Variants in TULP4 observed in about 807,000 individuals in gnomAD.
TULP4 encodes tubby-related protein 4.
Under a neutral mutation model 129.0 loss-of-function variants are expected in TULP4, and 16 were observed. That is an observed-to-expected ratio of 0.12 (90% CI 0.08 to 0.19). The LOEUF (loss-of-function observed/expected upper bound fraction) is 0.19, where lower values mean the gene tolerates loss of function less well. Ranked by LOEUF, TULP4 falls within the 10% of genes least tolerant of loss-of-function variation. The pLI is 1.00. For missense variants in TULP4, 1,842 were observed against 2,059.1 expected, an observed-to-expected ratio of 0.89 and a Z score of 2.04; for synonymous variants, 998 against 854.0, an observed-to-expected ratio of 1.17 and a Z score of -2.94.
chr6:158,471,579 T>A (rs2128246743), intron 6 of TULP4, among the ~76,000 whole-genome samples: 1 of 152,350 alleles, frequency 6.6e-6, no homozygotes, highest in African/African-American at 2.4e-5. Context: ...TTTAAATTTC[T>A]GTTTTGGAAG....
intron 1 of TULP4, among the ~76,000 whole-genome samples, chr6:158,316,880 C>T (rs989576355): frequency 3.9e-5 from 6 of 152,324 alleles, no homozygotes; most frequent in Admixed American, 3.3e-4. Context: ...TAGAGGCCCT[C>T]ACTAGTCCCA....
At chr6:158,266,207 T>C (rs150350261) in intron 1 of TULP4, among the ~76,000 whole-genome samples, 1 of 152,356 alleles carries the variant, frequency 6.6e-6, no homozygotes, top group East Asian at 1.9e-4. Flanking sequence ...TTTCATGTTT[T>C]AAAGTGGTTT....
intron 1 of TULP4, among the ~76,000 whole-genome samples, chr6:158,319,701 A>G (rs924461592): frequency 1.3e-5 from 2 of 152,272 alleles, no homozygotes; most frequent in African/African-American, 4.8e-5. Flanking sequence ...TTGGAATTAT[A>G]AATGTATTCA....
At position 158,463,502 on chromosome 6, in the gene TULP4, G is replaced by T. The variant is rs1455611936; in HGVS notation, c.1026+1773G>T. Among the ~76,000 whole-genome samples, 4 of 152,126 alleles carry T rather than the reference G, an allele frequency of 2.6e-5. No homozygotes were observed. In the East Asian group the frequency reaches 7.7e-4, roughly 29 times the overall value. On this transcript the variant is annotated intron_variant, in intron 6 of 13. Transcript: ENST00000367097. ...CACACACCAGGGCCTGTTGTAGGGT[G>T]GGGGTAGCGGGGAGGGATAGCATTT...
At chr6:158,236,795 CTTTTTTTTTTTTTTTT>C (rs71030149) in intron 1 of TULP4, among the ~76,000 whole-genome samples, 1,028 of 63,290 alleles carry the variant, frequency 0.016, 27 homozygotes, top group African/African-American at 0.063. Flanking sequence ...CAATTCTTTT[CTTTTTTTTTTTTTTTT>C]TTTTTTTTTT....
At chr6:158,491,455 TTTTC>T (rs1313995938) in intron 9 of TULP4, among the ~76,000 whole-genome samples, 666 of 28,038 alleles carry the variant, frequency 0.024, 9 homozygotes, top group Non-Finnish European at 0.028. Flanking sequence ...TCTTTCTTTC[TTTTC>T]TTTCTTTCTT....
Position 158,413,771 on chromosome 6 carries a change from T to C in TULP4, c.381+578T>C, listed in dbSNP as rs1029056403. ...GCTGTTTCTAGAACTGCTCCATAGA[T>C]TGTTCTGGTTTACAGGACGGCTTCA... On this transcript the variant is annotated intron_variant, in intron 2 of 13. Coordinates refer to ENST00000367097, the MANE Select transcript of TULP4 (RefSeq NM_020245.5). The surrounding 1 kb of genome is among the most constrained non-coding windows in gnomAD (Gnocchi z 4.9). Among the ~76,000 whole-genome samples, 1 of 152,222 alleles carries C rather than the reference T, an allele frequency of 6.6e-6. No homozygotes were observed. Among genetic ancestry groups the C allele is most frequent in the Non-Finnish European group, 1.5e-5 (1 of 68,042 alleles).
rs772174757 is a variant in TULP4, at chr6:158,314,053, A to G, written c.37A>G (p.Ser13Gly). 2 of 1,614,226 alleles carry G rather than the reference A, an allele frequency of 1.2e-6. No individual in the cohort carries two copies. The highest frequency in any genetic ancestry group is 2.2e-5 in the South Asian group (2 of 91,084). Reference sequence around the variant, plus strand: ...AGTGGAACATGGGCCTGTGCTTTGCAGCGATTCCAACATCCTGTGCCTGTC... The same window carrying G: ...AGTGGAACATGGGCCTGTGCTTTGCGGCGATTCCAACATCCTGTGCCTGTC... ...AAVEHGPVLC[S>G]DSNILCLSWK... is the part of the protein sequence containing the mutation. Residue 13 changes from serine (S) to glycine (G), a missense_variant, in exon 1 of 14, where the codon AGC (serine) becomes GGC (glycine). Physicochemically the swap from Ser to Gly is moderately conservative, Grantham distance 56 (BLOSUM62 0). This residue lies in a region of TULP4 where 151 missense variants were observed against 268.7 expected (regional missense o/e 0.56). Transcript: ENST00000367097.
At chr6:158,295,051 T>G (rs771404666) in intron 1 of TULP4, among the ~76,000 whole-genome samples, 3 of 152,338 alleles carry the variant, frequency 2.0e-5, no homozygotes, top group Middle Eastern at 3.4e-3. Flanking sequence ...AAACCTGTAG[T>G]CAAAAGCTGA....
intron 1 of TULP4, among the ~76,000 whole-genome samples, chr6:158,408,581 G>A (rs1004685528): frequency 9.9e-5 from 15 of 152,088 alleles, no homozygotes; most frequent in South Asian, 2.1e-4. Context: ...CATGGCTTGC[G>A]TCAAGCAGAC....
intron 1 of TULP4, among the ~76,000 whole-genome samples, chr6:158,241,733 T>TA (rs1294573852): frequency 1.3e-5 from 2 of 152,148 alleles, no homozygotes; most frequent in Admixed American, 6.5e-5. Flanking sequence ...TAGCCGGGAC[T>TA]ACAGGCACGC....
At chr6:158,307,889 A>G (rs1489067203), upstream of TULP4, among the ~76,000 whole-genome samples, 2 of 152,098 alleles carry the variant, frequency 1.3e-5, no homozygotes, top group Non-Finnish European at 2.9e-5. Context: ...AAAAAATCAC[A>G]TTTATTAACA....
chr6:158,357,884 A>G (rs556028197), intron 1 of TULP4, among the ~76,000 whole-genome samples: 39 of 152,298 alleles, frequency 2.6e-4, no homozygotes, highest in Non-Finnish European at 5.0e-4. Flanking sequence ...TAGATGACTG[A>G]AGATCCATCA....
chr6:158,485,278 A>G (rs1562586355), intron 8 of TULP4, among the ~76,000 whole-genome samples: 1 of 152,228 alleles, frequency 6.6e-6, no homozygotes, highest in Non-Finnish European at 1.5e-5. Flanking sequence ...TGAATGGAAG[A>G]AGGAATTGTT....
At chr6:158,263,928 T>A (rs1337152877) in intron 1 of TULP4, among the ~76,000 whole-genome samples, 1 of 152,052 alleles carries the variant, frequency 6.6e-6, no homozygotes, top group Non-Finnish European at 1.5e-5. Context: ...CTGGGCGTGG[T>A]GGCAGGTGCC....
intron 1 of TULP4, among the ~76,000 whole-genome samples, chr6:158,340,273 G>A (rs561752912): frequency 3.9e-5 from 6 of 152,300 alleles, no homozygotes; most frequent in African/African-American, 1.4e-4. Context: ...TGAAATAGTA[G>A]TATAGACATG....
At chr6:158,259,004 T>G (rs1326388588) in intron 1 of TULP4, among the ~76,000 whole-genome samples, 5 of 151,878 alleles carry the variant, frequency 3.3e-5, no homozygotes, top group African/African-American at 1.2e-4. Flanking sequence ...CTGAGGCGGG[T>G]GGATCACCTG....
upstream of TULP4, among the ~76,000 whole-genome samples, chr6:158,280,861 A>G (rs1778736586): frequency 6.6e-6 from 1 of 152,234 alleles, no homozygotes; most frequent in South Asian, 2.1e-4. Context: ...TCGGCACTCA[A>G]GTGTTTGCAC....
intron 1 of TULP4, among the ~76,000 whole-genome samples, chr6:158,261,349 A>G (rs533817497): frequency 6.6e-6 from 1 of 152,336 alleles, no homozygotes; most frequent in African/African-American, 2.4e-5. Context: ...ATTTGAGGAC[A>G]TGGTCAGTGG....
Sources: gnomAD v4.1 joint callset for allele counts (sites outside exome capture counted in the v4.1 genomes callset) on GRCh38, gnomAD v4.1.1 for gene constraint, gnomAD v4.1.1 regional missense constraint, Gnocchi (gnomAD v3.1) non-coding constraint, MANE v1.5 for transcripts, NCBI Gene and HGNC (gene_info 2026-07-23, HGNC 2026-07-21) for gene names.